ARHGAP36: variants seen among roughly 807,000 people sequenced by gnomAD.
The protein encoded by ARHGAP36 is rho GTPase-activating protein 36.
A neutral mutation model predicts 32.9 loss-of-function variants in ARHGAP36; 7 were observed. That is an observed-to-expected ratio of 0.21 (90% confidence interval 0.12 to 0.40). ARHGAP36 has a LOEUF of 0.40. Among genes scored for constraint, ARHGAP36 ranks in the 10% least tolerant of loss-of-function variants. The pLI is 1.00. For missense variants in ARHGAP36, 383 were observed against 442.2 expected (o/e 0.87, Z 1.20); for synonymous variants, 165 against 168.3 (o/e 0.98, Z 0.15).
At chrX:131,083,376 A>G (rs45480493) in intron 3 of ARHGAP36, 146 bp downstream of exon 3, 112 of 597,672 alleles carry the variant, frequency 1.9e-4, no homozygotes, top group Non-Finnish European at 2.7e-4. Flanking sequence ...GGGTGATATC[A>G]GGAAATGGCG....
intron 1 of ARHGAP36, among the ~76,000 whole-genome samples, chrX:131,065,730 A>G (rs1363385168): frequency 8.9e-6 from 1 of 111,749 alleles, no homozygotes; most frequent in Non-Finnish European, 1.9e-5. Context: ...TTCTGTGCCC[A>G]CCCAGGATGA....
chrX:131,069,166 A>G (rs1163169345), intron 1 of ARHGAP36, among the ~76,000 whole-genome samples: 1 of 112,239 alleles, frequency 8.9e-6, no homozygotes, highest in Non-Finnish European at 1.9e-5. Context: ...CCCTCCCGCC[A>G]TAAGCGGACT....
chrX:131,084,167 T>C (rs2079821878), intron 4 of ARHGAP36, 48 bp from the exon 5 acceptor site: 3 of 1,140,673 alleles, frequency 2.6e-6, no homozygotes, highest in South Asian at 2.1e-5. Flanking sequence ...AAGGTCCTAA[T>C]TGACTCTCTT....
rs773226775 is a variant in ARHGAP36 at position 131,081,791 on chromosome X, C to A, written c.126C>A (p.Asn42Lys). 55 of 1,210,503 alleles carry A rather than the reference C, an allele frequency of 4.5e-5. No homozygotes were observed. In the Middle Eastern group the frequency reaches 6.9e-4, roughly 15 times the overall value. Residue 42 changes from asparagine to lysine, a missense_variant, in exon 2 of 12, where the codon AAC (asparagine) becomes AAA (lysine). By Grantham distance (94) the Asn-to-Lys change is moderately conservative. Coordinates refer to ENST00000276211, the MANE Select transcript of ARHGAP36 (RefSeq NM_144967.4). Reference sequence around the variant, plus strand: ...TCTTGGGAGGAGCCCCAGGACACAACCCCGACCGCAGGACGAAGATGGTAT... The same window carrying A: ...TCTTGGGAGGAGCCCCAGGACACAAACCCGACCGCAGGACGAAGATGGTAT... ...VSVLGGAPGH[N>K]PDRRTKMVSI... is the part of the protein sequence containing the mutation.
Position 131,084,671 on chromosome X carries a change from G to A in ARHGAP36, c.794G>A (p.Arg265Gln). Residue 265 changes from arginine (R) to glutamine (Q), a missense_variant, in exon 6 of 12, where the codon CGA becomes CAA. By Grantham distance (43) the Arg-to-Gln change is conservative (BLOSUM62 1). Transcript: ENST00000276211. ...TTTACCCTTGAATACTCCGTGCAGC[G>A]AGTGCGTCAGGTAAATTGGCTATGT... ...GIFTLEYSVQ[R>Q]VRQLREEFDQ... 1 of 1,211,791 alleles carries A rather than the reference G, an allele frequency of 8.3e-7. No individual in the cohort carries two copies. The highest frequency in any genetic ancestry group is 3.0e-5 in the East Asian group (1 of 33,846).
intron 1 of ARHGAP36, among the ~76,000 whole-genome samples, chrX:131,063,645 T>G (rs1465170739): frequency 9.0e-6 from 1 of 110,664 alleles, no homozygotes; most frequent in Non-Finnish European, 1.9e-5. Flanking sequence ...CTCAGAGCTT[T>G]TCCTGCCATG....
intron 1 of ARHGAP36, among the ~76,000 whole-genome samples, chrX:131,061,084 C>T (rs1343081073): frequency 9.0e-6 from 1 of 111,211 alleles, no homozygotes; most frequent in Non-Finnish European, 1.9e-5. Context: ...AATGTTCCTT[C>T]ACCCCCATTC....
At chrX:131,058,710 C>T (rs930366630) in intron 1 of ARHGAP36, among the ~76,000 whole-genome samples, 1 of 113,492 alleles carries the variant, frequency 8.8e-6, no homozygotes, top group Non-Finnish European at 1.9e-5. Flanking sequence ...GGCTCAGCCG[C>T]CGGCAGGGAC....
intron 6 of ARHGAP36, 94 bp from the exon 7 acceptor site, chrX:131,084,820 C>T: frequency 8.6e-7 from 1 of 1,169,324 alleles, no homozygotes; most frequent in South Asian, 1.9e-5. Context: ...ATATTGCCAG[C>T]TACCTCCACT....
intron 1 of ARHGAP36, among the ~76,000 whole-genome samples, chrX:131,062,626 T>G (rs1389468114): frequency 9.0e-6 from 1 of 111,705 alleles, no homozygotes; most frequent in African/African-American, 3.3e-5. Flanking sequence ...GTCTATATTT[T>G]GGGGTTGTAA....
chrX:131,077,783 A>G (rs201716178), intron 1 of ARHGAP36, among the ~76,000 whole-genome samples: 2 of 17,064 alleles, frequency 1.2e-4, no homozygotes, highest in South Asian at 4.8e-3. Flanking sequence ...ATATATATAT[A>G]TATATATATA....
intron 1 of ARHGAP36, among the ~76,000 whole-genome samples, chrX:131,075,600 C>T (rs867400880): frequency 3.2e-4 from 28 of 87,958 alleles, no homozygotes; most frequent in Middle Eastern, 0.011. Context: ...CACACACACA[C>T]GCATATATAT....
At chrX:131,081,230 C>T (rs2079795653) in intron 1 of ARHGAP36, among the ~76,000 whole-genome samples, 1 of 109,094 alleles carries the variant, frequency 9.2e-6, no homozygotes, top group Non-Finnish European at 1.9e-5. Flanking sequence ...GAATTTGCAG[C>T]TCTCCTAACC....
At chrX:131,078,239 T>C (rs1443933241) in intron 1 of ARHGAP36, among the ~76,000 whole-genome samples, 2 of 112,144 alleles carry the variant, frequency 1.8e-5, no homozygotes, top group Non-Finnish European at 3.8e-5. Flanking sequence ...TACTGTGTCA[T>C]TTCACCATTT....
intron 8 of ARHGAP36, 44 bp downstream of exon 8, chrX:131,085,780 CAT>C: frequency 8.4e-7 from 1 of 1,196,152 alleles, no homozygotes; most frequent in Non-Finnish European, 1.1e-6. Flanking sequence ...TAGTAGGGGA[CAT>C]ATGTGGGAGT....
intron 1 of ARHGAP36, among the ~76,000 whole-genome samples, chrX:131,078,456 G>A (rs2079776541): frequency 8.9e-6 from 1 of 112,448 alleles, no homozygotes; most frequent in African/African-American, 3.2e-5. Context: ...TGAATCTCAT[G>A]GTCTCTTCAG....
At chrX:131,059,590 G>A (rs918054671) in intron 1 of ARHGAP36, among the ~76,000 whole-genome samples, 2 of 111,741 alleles carry the variant, frequency 1.8e-5, no homozygotes, top group South Asian at 7.6e-4. Flanking sequence ...ACCATCCCAG[G>A]AGTTTGACCT....
intron 1 of ARHGAP36, among the ~76,000 whole-genome samples, chrX:131,063,845 G>T (rs2079683029): frequency 9.0e-6 from 1 of 110,797 alleles, no homozygotes; most frequent in African/African-American, 3.3e-5. Context: ...AGGGGGTTCA[G>T]ATTGGGGTCT....
intron 1 of ARHGAP36, among the ~76,000 whole-genome samples, chrX:131,063,078 A>C (rs1375369707): frequency 8.9e-6 from 1 of 112,366 alleles, no homozygotes; most frequent in Non-Finnish European, 1.9e-5. Context: ...AGGAATTTCA[A>C]CTGAAAGATG....
Sources: allele counts gnomAD v4.1 joint callset (sites outside exome capture counted in the v4.1 genomes callset), GRCh38; gene constraint gnomAD v4.1.1; transcripts MANE v1.5; gene names NCBI Gene and HGNC (gene_info 2026-07-23, HGNC 2026-07-21).